The following DOCK4 variants were observed in gnomAD, a reference collection of about 807,000 sequenced individuals.
DOCK4 encodes the protein dedicator of cytokinesis 4, also known as dedicator of cytokinesis protein 4.
In DOCK4, 97 loss-of-function variants were observed where a neutral mutation model predicts 268.1. The observed-to-expected ratio is 0.36, with a 90% CI of 0.31 to 0.43. The LOEUF (loss-of-function observed/expected upper bound fraction) is 0.43. Among genes scored for constraint, DOCK4 ranks in the 20% least tolerant of loss-of-function variants. The pLI, the probability that DOCK4 is intolerant of heterozygous loss-of-function variation, is 1.00. For synonymous variants in DOCK4, 954 were observed against 887.2 expected, an observed-to-expected ratio of 1.08 and a Z score of -1.34; for missense variants, 2,145 against 2,455.7, an observed-to-expected ratio of 0.87 and a Z score of 2.67.
intron 42 of DOCK4, among the ~76,000 whole-genome samples, chr7:111,754,258 A>G (rs1012697433): frequency 5.9e-5 from 9 of 152,264 alleles, no homozygotes; most frequent in African/African-American, 2.2e-4. Context: ...GGACAAGAAT[A>G]CAACTGCACT....
At chr7:112,166,273 G>GA (rs1413568355) in intron 1 of DOCK4, among the ~76,000 whole-genome samples, 1 of 151,978 alleles carries the variant, frequency 6.6e-6, no homozygotes, top group African/African-American at 2.4e-5. Context: ...TTTACCAAAA[G>GA]AAAAAACATG....
At chr7:111,937,891 C>T (rs1794871131) in intron 11 of DOCK4, among the ~76,000 whole-genome samples, 1 of 152,206 alleles carries the variant, frequency 6.6e-6, no homozygotes, top group South Asian at 2.1e-4. Flanking sequence ...CGTCTGTCTG[C>T]TTCATGGGTT....
In DOCK4 at chr7:111,728,425, G is replaced by A. The variant is rs199706346; in HGVS notation, c.5777C>T (p.Pro1926Leu). ...CGTGACGGGGATGGAGAGGCTGTGA[G>A]GTAGCGGGACGGGGCGCCGCAGAGT... ...ERTLRRPVPLPHSLSIPVTSE... is the reference protein window; with the variant it reads ...ERTLRRPVPLLHSLSIPVTSE... Residue 1926 changes from proline (P) to leucine (L), a missense_variant, in exon 53 of 53, where the codon CCT (proline) becomes CTT (leucine). This residue lies in a region of DOCK4 where 547 missense variants were observed against 469.0 expected (regional missense o/e 1.17). Coordinates refer to ENST00000428084, the MANE Select transcript of DOCK4 (RefSeq NM_001363540.2). The A allele has an allele frequency of 5.1e-3, 8,106 of 1,584,366 alleles. 30 individuals carry two copies. The highest frequency in any genetic ancestry group is 6.5e-3 in the Non-Finnish European group (7,552 of 1,163,648).
chr7:111,740,658 G>A (rs921235575), intron 47 of DOCK4, among the ~76,000 whole-genome samples: 8 of 146,012 alleles, frequency 5.5e-5, no homozygotes, highest in South Asian at 4.5e-4. Context: ...GCCTGAGCCC[G>A]GGAGGCGGAG....
At chr7:111,747,576 C>T (rs757636740) in intron 42 of DOCK4, 133 bp from the exon 43 acceptor site, 20 of 840,792 alleles carry the variant, frequency 2.4e-5, no homozygotes, top group South Asian at 3.9e-5. Flanking sequence ...GGGGCCATTC[C>T]GTAGAATAGA....
intron 1 of DOCK4, among the ~76,000 whole-genome samples, chr7:112,055,645 C>T (rs1376082863): frequency 6.6e-6 from 1 of 152,166 alleles, no homozygotes; most frequent in Non-Finnish European, 1.5e-5. Flanking sequence ...CGGTAGCTCA[C>T]GCCTATAATC....
At chr7:112,069,551 T>C (rs1294199869) in intron 1 of DOCK4, among the ~76,000 whole-genome samples, 3 of 152,200 alleles carry the variant, frequency 2.0e-5, no homozygotes, top group Non-Finnish European at 4.4e-5. Flanking sequence ...CCCACCTGTC[T>C]CACAGGGTCG....
intron 8 of DOCK4, among the ~76,000 whole-genome samples, chr7:111,959,597 A>T (rs1796707610): frequency 6.6e-6 from 1 of 152,238 alleles, no homozygotes; most frequent in African/African-American, 2.4e-5. Context: ...CAAAAATATT[A>T]GCATTTTTTA....
At chr7:111,934,917 GCAT>G (rs1794599876) in intron 12 of DOCK4, among the ~76,000 whole-genome samples, 1 of 151,420 alleles carries the variant, frequency 6.6e-6, no homozygotes, top group African/African-American at 2.4e-5. Flanking sequence ...ACAAATCCAA[GCAT>G]CATATTTGTC....
At chr7:111,918,049 T>C (rs1792766098) in intron 12 of DOCK4, among the ~76,000 whole-genome samples, 1 of 151,938 alleles carries the variant, frequency 6.6e-6, no homozygotes, top group South Asian at 2.1e-4. Flanking sequence ...TTCAATAGAG[T>C]GGTTAAAATA....
intron 1 of DOCK4, among the ~76,000 whole-genome samples, chr7:112,204,224 T>A (rs1018773685): frequency 5.9e-5 from 9 of 152,166 alleles, no homozygotes; most frequent in Non-Finnish European, 1.2e-4. Flanking sequence ...AGAGAGGAAC[T>A]AATCGATACC....
intron 1 of DOCK4, among the ~76,000 whole-genome samples, chr7:112,180,755 C>T (rs922094249): frequency 3.9e-5 from 6 of 152,176 alleles, no homozygotes; most frequent in African/African-American, 1.2e-4. Context: ...CTGTGCACTG[C>T]TCCACCACCT....
At position 112,034,827 on chromosome 7, in the gene DOCK4, G is replaced by A. The variant is rs537102333; in HGVS notation, c.38-30696C>T. ...TGAGGCAGGAGAACTGCTTGAACCCGGGAGGCGGAGGTTGCAGTGGGCCAA... is the reference window on the plus strand; with the variant it reads ...TGAGGCAGGAGAACTGCTTGAACCCAGGAGGCGGAGGTTGCAGTGGGCCAA... On this transcript the variant is annotated intron_variant, in intron 1 of 52. Transcript: ENST00000428084. Among the ~76,000 whole-genome samples the A allele has an allele frequency of 2.3e-3, 345 of 152,222 alleles. 1 individual carries two copies. Among genetic ancestry groups the A allele is most frequent in the Non-Finnish European group, 3.6e-3 (242 of 68,012 alleles).
At chr7:112,095,561 T>G (rs559683242) in intron 1 of DOCK4, among the ~76,000 whole-genome samples, 1 of 152,270 alleles carries the variant, frequency 6.6e-6, no homozygotes, top group East Asian at 1.9e-4. Flanking sequence ...ATTGTTGTGG[T>G]GATAACTCTA....
chr7:112,149,190 C>T (rs1008393163), intron 1 of DOCK4, among the ~76,000 whole-genome samples: 2 of 152,144 alleles, frequency 1.3e-5, no homozygotes, highest in Non-Finnish European at 2.9e-5. Flanking sequence ...GGTGCAACTG[C>T]GCGGCCCTTC....
chr7:112,129,376 G>A (rs1371368421), intron 1 of DOCK4, among the ~76,000 whole-genome samples: 1 of 152,184 alleles, frequency 6.6e-6, no homozygotes, highest in Non-Finnish European at 1.5e-5. Flanking sequence ...GAACAGTGGA[G>A]GGATGGGTAC....
At chr7:112,082,282 C>T (rs1808662697) in intron 1 of DOCK4, among the ~76,000 whole-genome samples, 1 of 152,134 alleles carries the variant, frequency 6.6e-6, no homozygotes, top group African/African-American at 2.4e-5. Flanking sequence ...GAGTCTCATA[C>T]ATTATTGTAA....
chr7:111,869,597 C>T lies in DOCK4; in HGVS notation c.2086G>A (p.Glu696Lys), dbSNP rs773930601. 1 of 1,613,438 alleles carries T rather than the reference C, an allele frequency of 6.2e-7. No individual in the cohort carries two copies. The highest frequency in any genetic ancestry group is 1.3e-5 in the African/African-American group (1 of 74,916). The change falls in exon 21 of 53, where the codon GAG becomes AAG. Residue 696 changes from glutamate (E) to lysine (K), a missense_variant. Physicochemically the swap from Glu to Lys is moderately conservative, Grantham distance 56. Coordinates refer to ENST00000428084, the MANE Select transcript of DOCK4 (RefSeq NM_001363540.2). Reference sequence around the variant, plus strand: ...ACCTTCAGCACCTCCTGGATATGCTCTTGCCGCTCTGCTTCTGTGATCCGG... The same window carrying T: ...ACCTTCAGCACCTCCTGGATATGCTTTTGCCGCTCTGCTTCTGTGATCCGG... ...VDRITEAERQ[E>K]HIQEVLKAQE...
chr7:111,804,743 G>A lies in DOCK4; in HGVS notation c.3166+4078C>T, dbSNP rs945375401. 2.6e-5 allele frequency among the ~76,000 whole-genome samples: 4 copies of A among 151,880 alleles called. No individual in the cohort carries two copies. The South Asian group carries it at 8.3e-4, about 32-fold the overall frequency. ...GCCTTCCAAGTAGCTAGGATTACAG[G>A]CATATGCCACCACACCCAGCTAATT... is the stretch of plus-strand genomic sequence containing the variant. On this transcript the variant is annotated intron_variant, in intron 30 of 52. Coordinates refer to ENST00000428084, the MANE Select transcript of DOCK4 (RefSeq NM_001363540.2).
Sources: gnomAD v4.1 joint callset for allele counts (sites outside exome capture counted in the v4.1 genomes callset) on GRCh38, gnomAD v4.1.1 for gene constraint, gnomAD v4.1.1 regional missense constraint, MANE v1.5 for transcripts, NCBI Gene and HGNC (gene_info 2026-07-23, HGNC 2026-07-21) for gene names.